TNRC6B: variants seen among roughly 807,000 people sequenced by gnomAD.
TNRC6B encodes the protein trinucleotide repeat-containing gene 6B protein.
Under a neutral mutation model 203.6 loss-of-function variants are expected in TNRC6B, and 52 were observed. That is an observed-to-expected ratio of 0.26 (90% CI 0.20 to 0.32). The LOEUF is 0.32. Among genes scored for constraint, TNRC6B ranks in the 10% least tolerant of loss-of-function variants. The pLI is 1.00. For missense variants in TNRC6B, 1,923 were observed against 2,286.2 expected (o/e 0.84, Z 3.24); for synonymous variants, 838 against 845.7 (o/e 0.99, Z 0.16).
At position 40,281,176 on chromosome 22, in the gene TNRC6B, C is replaced by G; in HGVS notation, c.3469C>G (p.Pro1157Ala). The G allele has an allele frequency of 2.6e-6, 4 of 1,551,468 alleles. No homozygotes were observed. The highest frequency in any genetic ancestry group is 2.6e-6 in the Non-Finnish European group (3 of 1,146,860). The change falls in exon 11 of 23, where the codon CCC becomes GCC. Residue 1157 changes from proline (P) to alanine (A), a missense_variant. Physicochemically the swap from Pro to Ala is conservative, Grantham distance 27. Around this residue, in one of 8 missense-constraint regions of TNRC6B, gnomAD observed 599 missense variants for 656.5 expected, o/e 0.91. Transcript: ENST00000454349. ...CCTTGGGGATGAGGCTCCCTGCTCT[C>G]CCTTCTCCCCTTCTCCCAGCTACAA... ...GCLGDEAPCS[P>A]FSPSPSYKLS...
Position 40,262,126 on chromosome 22 carries a change from C to T in TNRC6B, c.410C>T (p.Ala137Val). Residue 137 changes from alanine to valine, a missense_variant, in exon 4 of 23, where the codon GCA becomes GTA. Physicochemically the swap from Ala to Val is moderately conservative, Grantham distance 64 (BLOSUM62 0). Transcript: ENST00000454349. ...GCACCTGGAGCAAACCCAAACAACG[C>T]ACAAGTGACAGGAGCGCTGCTGCAG... The part of the protein sequence containing the change: ...CTAPGANPNN[A>V]QVTGALLQSE... 4.7e-6 allele frequency: 7 copies of T among 1,495,864 alleles called. No homozygotes were observed. The highest frequency in any genetic ancestry group is 6.3e-6 in the Non-Finnish European group (7 of 1,103,528). The allele number at this position is 1,495,864 out of a possible 1,614,324, so 92.7% of individuals were successfully genotyped here. A position where few individuals can be genotyped will look rare whatever the true frequency, so the allele number is the denominator to read the frequency against.
rs534653450 is a variant in TNRC6B at position 40,213,123 on chromosome 22, T to A, written c.6-32892T>A. 3.3e-5 allele frequency among the ~76,000 whole-genome samples: 5 copies of A among 152,334 alleles called. No homozygotes were observed. The East Asian group carries it at 9.6e-4, about 29-fold the overall frequency. ...TCCTTTCTTTTATGGAAAACTTTTC[T>A]GTATTAAGACTTAAACTCCTGCCAC... On this transcript the variant is annotated intron_variant, in intron 1 of 22. Coordinates refer to ENST00000454349, the MANE Select transcript of TNRC6B (RefSeq NM_001162501.2).
At chr22:40,264,652 T>C (rs956619397) in intron 4 of TNRC6B, 36 bp from the exon 5 acceptor site, 3 of 1,539,700 alleles carry the variant, frequency 1.9e-6, no homozygotes, top group Non-Finnish European at 2.6e-6. Flanking sequence ...ATGAATGCAT[T>C]TGAAGCTGTG....
chr22:40,139,178 A>G (rs186276639), intron 3 of TNRC6B, among the ~76,000 whole-genome samples: 2 of 152,150 alleles, frequency 1.3e-5, no homozygotes, highest in Non-Finnish European at 2.9e-5. Context: ...TTCCATATAA[A>G]TAGAATCATA....
At chr22:40,176,039 A>G (rs2069052883), upstream of TNRC6B, among the ~76,000 whole-genome samples, 1 of 151,630 alleles carries the variant, frequency 6.6e-6, no homozygotes, top group South Asian at 2.1e-4. Flanking sequence ...AGCCTAGTTT[A>G]TGGGAGAAGC....
chr22:40,307,999 G>A (rs2071114142), intron 15 of TNRC6B, among the ~76,000 whole-genome samples: 1 of 152,108 alleles, frequency 6.6e-6, no homozygotes, highest in Non-Finnish European at 1.5e-5. Flanking sequence ...GGAGTCATTT[G>A]AATGTCTCAC....
intron 3 of TNRC6B, among the ~76,000 whole-genome samples, chr22:40,143,717 C>T (rs879831520): frequency 1.3e-5 from 2 of 152,282 alleles, no homozygotes; most frequent in Non-Finnish European, 2.9e-5. Flanking sequence ...AGGATGGTCT[C>T]GATCTCCTGA....
chr22:40,124,146 T>G (rs1436854385), intron 2 of TNRC6B, among the ~76,000 whole-genome samples: 1 of 152,084 alleles, frequency 6.6e-6, no homozygotes, highest in Non-Finnish European at 1.5e-5. Flanking sequence ...AAGTAGATAT[T>G]TTGGTAACCC....
At chr22:40,249,988 C>T (rs1490638737) in intron 2 of TNRC6B, among the ~76,000 whole-genome samples, 1 of 152,112 alleles carries the variant, frequency 6.6e-6, no homozygotes, top group Non-Finnish European at 1.5e-5. Flanking sequence ...GGATCCATTG[C>T]GAGGTGGGCT....
chr22:40,305,724 C>G (rs1025886081), intron 15 of TNRC6B, among the ~76,000 whole-genome samples: 1 of 152,160 alleles, frequency 6.6e-6, no homozygotes, highest in African/African-American at 2.4e-5. Context: ...CTGACCAAAC[C>G]TTGTGAGGCA....
At chr22:40,227,358 C>CTTTTTTTTTTTTTTTTTTTTTTTTTT in intron 1 of TNRC6B, among the ~76,000 whole-genome samples, 1 of 70,954 alleles carries the variant, frequency 1.4e-5, no homozygotes, top group Non-Finnish European at 2.7e-5. Flanking sequence ...CTGAAATTAC[C>CTTTTTTTTTTTTTTTTTTTTTTTTTT]TTTTTTTTTT....
chr22:40,218,439 A>G lies in TNRC6B; in HGVS notation c.6-27576A>G, dbSNP rs577175003. 6.0e-4 allele frequency among the ~76,000 whole-genome samples: 84 copies of G among 140,910 alleles called. 1 individual carries two copies. The highest frequency in any genetic ancestry group is 9.5e-4 in the Non-Finnish European group (63 of 66,636). 92.4% of individuals were successfully genotyped at this position (140,910 alleles called of 152,430 possible). On this transcript the variant is annotated intron_variant, in intron 1 of 22. Transcript: ENST00000454349. ...CCTCCTGGGCTCAGGCAATCTTCCTACCTCAGCCTCTTGAGTAGCTGGGAG... is the reference window on the plus strand; with the variant it reads ...CCTCCTGGGCTCAGGCAATCTTCCTGCCTCAGCCTCTTGAGTAGCTGGGAG...
intron 1 of TNRC6B, chr22:40,106,866 T>A: frequency 9.7e-7 from 1 of 1,030,158 alleles, no homozygotes; most frequent in Non-Finnish European, 1.5e-6. Context: ...CGAATTTCAG[T>A]TCTGTCCATC....
Position 40,265,132 on chromosome 22 carries a change from A to C in TNRC6B, c.902A>C (p.Asn301Thr). 1 of 1,614,002 alleles carries C rather than the reference A, an allele frequency of 6.2e-7. No individual in the cohort carries two copies. Among genetic ancestry groups the C allele is most frequent in the Non-Finnish European group, 8.5e-7 (1 of 1,179,878 alleles). ...ATTGGACCTGGCTCTGGCTTCAGCA[A>C]CTTTAACCCAAATAGCAACCCATCT... Reference protein sequence around the residue: ...DRIGPGSGFSNFNPNSNPSAW... With the variant: ...DRIGPGSGFSTFNPNSNPSAW... The change falls in exon 5 of 23, where the codon AAC (asparagine) becomes ACC (threonine). Residue 301 changes from asparagine (N) to threonine (T), a missense_variant. Transcript: ENST00000454349.
intron 1 of TNRC6B, among the ~76,000 whole-genome samples, chr22:40,231,930 T>G (rs1362945141): frequency 1.3e-5 from 2 of 152,172 alleles, no homozygotes; most frequent in Non-Finnish European, 2.9e-5. Flanking sequence ...GCTTTCCAGA[T>G]CTAAGAAGGG....
chr22:40,272,955 C>G (rs1398166409), intron 6 of TNRC6B, among the ~76,000 whole-genome samples: 1 of 152,206 alleles, frequency 6.6e-6, no homozygotes, highest in Non-Finnish European at 1.5e-5. Flanking sequence ...TTCGTCTCTG[C>G]TTCACCCCAA....
At chr22:40,049,730 AG>A (rs1234821697) in intron 1 of TNRC6B, among the ~76,000 whole-genome samples, 2 of 152,086 alleles carry the variant, frequency 1.3e-5, no homozygotes, top group Non-Finnish European at 1.5e-5. Context: ...TAGCCTCCCA[AG>A]TAGCTGGGAT....
intron 1 of TNRC6B, among the ~76,000 whole-genome samples, chr22:40,100,896 A>G (rs1270232635): frequency 1.3e-5 from 2 of 152,058 alleles, no homozygotes; most frequent in Non-Finnish European, 2.9e-5. Flanking sequence ...TTCTTTTTTG[A>G]TAGGGTGGTT....
chr22:40,108,140 A>G (rs564671618), intron 1 of TNRC6B, among the ~76,000 whole-genome samples: 38 of 152,308 alleles, frequency 2.5e-4, no homozygotes, highest in Non-Finnish European at 4.0e-4. Context: ...CTGGGAAGCC[A>G]TGGCAAGGCA....
Sources: gnomAD v4.1 joint callset for allele counts (sites outside exome capture counted in the v4.1 genomes callset) on GRCh38, gnomAD v4.1.1 for gene constraint, gnomAD v4.1.1 regional missense constraint, MANE v1.5 for transcripts, NCBI Gene and HGNC (gene_info 2026-07-23, HGNC 2026-07-21) for gene names.